ETAA1: variants seen among roughly 807,000 people sequenced by gnomAD.
The protein encoded by ETAA1 is ETAA1 activator of ATR kinase.
In ETAA1, 49 loss-of-function variants were observed where a neutral mutation model predicts 76.8. The observed-to-expected ratio is 0.64, with a 90% CI of 0.51 to 0.81. ETAA1 has a LOEUF of 0.81. Ranked by LOEUF, ETAA1 falls within the 30% of genes least tolerant of loss-of-function variation. ETAA1 has a pLI of 0.00. For missense variants in ETAA1, 1,099 were observed against 1,074.0 expected (o/e 1.02, Z -0.32); for synonymous variants, 373 against 372.2 (o/e 1.00, Z -0.03).
chr2:67,405,447 C>A, intron 5 of ETAA1, 112 bp downstream of exon 5: 1 of 734,458 alleles, frequency 1.4e-6, no homozygotes, highest in Non-Finnish European at 2.1e-6. Context: ...TATTCTATGA[C>A]TAGTTAATTT....
intron 5 of ETAA1, among the ~76,000 whole-genome samples, chr2:67,408,009 A>G (rs1676264861): frequency 6.6e-6 from 1 of 152,192 alleles, no homozygotes; most frequent in Non-Finnish European, 1.5e-5. Flanking sequence ...CAAAACTCCT[A>G]TCTACCAATC....
chr2:67,409,487 T>A (rs1676308523), intron 5 of ETAA1, among the ~76,000 whole-genome samples: 1 of 146,112 alleles, frequency 6.8e-6, no homozygotes, highest in South Asian at 2.1e-4. Flanking sequence ...AAATATACAC[T>A]GTTTGAGATT....
chr2:67,399,068 G>T, intron 1 of ETAA1, 101 bp from the exon 2 acceptor site: 1 of 1,038,844 alleles, frequency 9.6e-7, no homozygotes, highest in Non-Finnish European at 1.4e-6. Flanking sequence ...AAATTATCTT[G>T]GACTATAAAA....
intron 5 of ETAA1, 117 bp from the exon 6 acceptor site, chr2:67,409,789 GTTTGA>G (rs1306564567): frequency 1.6e-5 from 14 of 862,794 alleles, no homozygotes; most frequent in African/African-American, 6.9e-5. Context: ...CAGTAGTTTA[GTTTGA>G]TTTAATAGCC....
Position 67,399,711 on chromosome 2 carries a change from TTGTC to T in ETAA1, c.429+87_429+90del, listed in dbSNP as rs1338218816. ...TTGTAGTTTCTTTAAATGAAAAGTA[TTGTC>T]TATTATAATTCTTTTTTCCAAAAAT... is the stretch of plus-strand genomic sequence containing the variant. On this transcript the variant is annotated intron_variant, in intron 3 of 5. Transcript: ENST00000272342. 1.1e-5 allele frequency: 10 copies of T among 870,088 alleles called. No homozygotes were observed. In the African/African-American group the frequency reaches 1.7e-4, roughly 15 times the overall value. The allele number at this position is 870,088 out of a possible 1,614,324, so 53.9% of individuals were successfully genotyped here.
chr2:67,404,847 A>G lies in ETAA1; in HGVS notation c.2165A>G (p.Glu722Gly), dbSNP rs1282186858. Residue 722 changes from glutamate to glycine, a missense_variant, in exon 5 of 6, where the codon GAA (glutamate) becomes GGA (glycine). By Grantham distance (98) the Glu-to-Gly change is moderately conservative. Transcript: ENST00000272342. ...AAGCCAATGAAGATGGAGAAAGGGGAAATGTATGGAAATTCTCCAAGATTT... is the reference window on the plus strand; with the variant it reads ...AAGCCAATGAAGATGGAGAAAGGGGGAATGTATGGAAATTCTCCAAGATTT... ...IDKPMKMEKG[E>G]MYGNSPRFLG... The G allele has an allele frequency of 6.8e-6, 11 of 1,612,994 alleles. No homozygotes were observed. The highest frequency in any genetic ancestry group is 9.3e-6 in the Non-Finnish European group (11 of 1,179,418).
At chr2:67,400,181 C>G (rs1676014054) in intron 3 of ETAA1, among the ~76,000 whole-genome samples, 1 of 152,128 alleles carries the variant, frequency 6.6e-6, no homozygotes, top group Admixed American at 6.5e-5. Flanking sequence ...CAGCCATGAA[C>G]TAGAATTATT....
chr2:67,407,137 A>T (rs974154182), intron 5 of ETAA1, among the ~76,000 whole-genome samples: 1 of 152,092 alleles, frequency 6.6e-6, no homozygotes, highest in African/African-American at 2.4e-5. Context: ...TACAGTAAAT[A>T]ATTCTCTACA....
Position 67,399,605 on chromosome 2 carries a change from T to C in ETAA1, c.408T>C (p.Ile136=), listed in dbSNP as rs753870075. 2 of 1,608,320 alleles carry C rather than the reference T, an allele frequency of 1.2e-6. No homozygotes were observed. Among genetic ancestry groups the C allele is most frequent in the South Asian group, 2.2e-5 (2 of 90,352 alleles). Residue 136 remains isoleucine (I), a synonymous_variant, in exon 3 of 6, where the codon ATT becomes ATC. Transcript: ENST00000272342. Reference sequence around the variant, plus strand: ...CAGATAGTGATGAGATTTCACATATTGTTAATCGTATTGCTCCTCAGGTAA... The same window carrying C: ...CAGATAGTGATGAGATTTCACATATCGTTAATCGTATTGCTCCTCAGGTAA... ...YTTDSDEISH[I]VNRIAPQDEK... is the part of the protein sequence containing the mutation.
At chr2:67,402,767 A>T in intron 3 of ETAA1, 95 bp from the exon 4 acceptor site, 1 of 723,602 alleles carries the variant, frequency 1.4e-6, no homozygotes, top group Non-Finnish European at 2.1e-6. Flanking sequence ...CAAAATCATT[A>T]GTTTTTATTG....
At position 67,404,109 on chromosome 2, in the gene ETAA1, GAAATA is replaced by G; in HGVS notation, c.1432_1436del (p.Lys478GlufsTer3). 2.5e-6 allele frequency: 4 copies of G among 1,588,974 alleles called. No individual in the cohort carries two copies. Among genetic ancestry groups the G allele is most frequent in the Non-Finnish European group, 3.4e-6 (4 of 1,171,322 alleles). On this transcript the variant is annotated frameshift_variant, in exon 5 of 6. Coordinates refer to ENST00000272342, the MANE Select transcript of ETAA1 (RefSeq NM_019002.4). LOFTEE classifies it high-confidence loss of function. The stretch of plus-strand genomic sequence containing the variant: ...AATAAATCAAACAAATTATCCACTG[GAAATA>G]AAATGAAATTTGAGAACTCTTCCAA...
Position 67,409,894 on chromosome 2 carries a change from T to C in ETAA1, c.2654-17T>C. On this transcript the variant is annotated splice_polypyrimidine_tract_variant and intron_variant, in intron 5 of 5. Transcript: ENST00000272342. Reference sequence around the variant, plus strand: ...ATAGGCTATAAAAGTAAAACTCATCTTTTGTTGAATTTTTAGAGGAAGAAG... The same window carrying C: ...ATAGGCTATAAAAGTAAAACTCATCCTTTGTTGAATTTTTAGAGGAAGAAG... 6.3e-7 allele frequency: 1 copy of C among 1,581,184 alleles called. No homozygotes were observed. Among genetic ancestry groups the C allele is most frequent in the Non-Finnish European group, 8.5e-7 (1 of 1,169,632 alleles).
chr2:67,405,211 T>G lies in ETAA1; in HGVS notation c.2529T>G (p.Ser843Arg). 1 of 1,612,580 alleles carries G rather than the reference T, an allele frequency of 6.2e-7. No individual in the cohort carries two copies. Among genetic ancestry groups the G allele is most frequent in the South Asian group, 1.1e-5 (1 of 90,992 alleles). ...TTAATCAAAATTGTATAACTGGAAG[T>G]ATGTCTGATACCAAAATTACACAGG... ...SQFNQNCITGSMSDTKITQGV... is the reference protein window; with the variant it reads ...SQFNQNCITGRMSDTKITQGV... Residue 843 changes from serine to arginine, a missense_variant, in exon 5 of 6, where the codon AGT becomes AGG. By Grantham distance (110) the Ser-to-Arg change is moderately radical. Coordinates refer to ENST00000272342, the MANE Select transcript of ETAA1 (RefSeq NM_019002.4).
Position 67,404,974 on chromosome 2 carries a change from T to C in ETAA1, c.2292T>C (p.Asn764=). Residue 764 remains asparagine, a synonymous_variant, in exon 5 of 6, where the codon AAT becomes AAC. Transcript: ENST00000272342. ...ACACTGATGTTCCAATACAAGTGAA[T>C]AGTTCCAAATTGGTTCTTCCAGGAA... is the stretch of plus-strand genomic sequence containing the variant. The part of the protein sequence containing the change: ...YTNTDVPIQV[N]SSKLVLPGSS... The C allele has an allele frequency of 6.2e-7, 1 of 1,612,836 alleles. No homozygotes were observed. Among genetic ancestry groups the C allele is most frequent in the Non-Finnish European group, 8.5e-7 (1 of 1,179,268 alleles).
intron 3 of ETAA1, chr2:67,401,087 T>A (rs1438872185): frequency 6.6e-6 from 1 of 152,048 alleles, no homozygotes; most frequent in Non-Finnish European, 1.5e-5. Flanking sequence ...GTGAATAAAT[T>A]ATTGGACTCT....
rs892312817 is a variant in ETAA1 at position 67,403,732 on chromosome 2, C to T, written c.1050C>T (p.Pro350=). 1.2e-6 allele frequency: 2 copies of T among 1,613,240 alleles called. No individual in the cohort carries two copies. Among genetic ancestry groups the T allele is most frequent in the Non-Finnish European group, 1.7e-6 (2 of 1,179,490 alleles). The change falls in exon 5 of 6, where the codon CCC becomes CCT. Residue 350 remains proline, a synonymous_variant. Transcript: ENST00000272342. The part of the protein sequence containing the change: ...PRSLSSQVDT[P]IMTKSCVTSC... Reference sequence around the variant, plus strand: ...CACTTTCTTCTCAAGTAGATACACCCATAATGACAAAATCATGTGTGACTT... The same window carrying T: ...CACTTTCTTCTCAAGTAGATACACCTATAATGACAAAATCATGTGTGACTT...
intron 3 of ETAA1, among the ~76,000 whole-genome samples, chr2:67,399,856 T>A (rs1676004172): frequency 6.6e-6 from 1 of 152,206 alleles, no homozygotes; most frequent in Non-Finnish European, 1.5e-5. Context: ...TTTTAATTTT[T>A]TAGAGTAATT....
At position 67,404,494 on chromosome 2, in the gene ETAA1, T is replaced by G; in HGVS notation, c.1812T>G (p.Asp604Glu). Residue 604 changes from aspartate to glutamate, a missense_variant, in exon 5 of 6, where the codon GAT becomes GAG. Asp to Glu is a conservative substitution (Grantham distance 45). Around this residue, in one of 3 missense-constraint regions of ETAA1, gnomAD observed 761 missense variants for 731.9 expected, o/e 1.04. Coordinates refer to ENST00000272342, the MANE Select transcript of ETAA1 (RefSeq NM_019002.4). Reference sequence around the variant, plus strand: ...TAGATAATACCTGGGAAGCAGATGATGTAGATGATGATTTGTTGTACCAAG... The same window carrying G: ...TAGATAATACCTGGGAAGCAGATGAGGTAGATGATGATTTGTTGTACCAAG... ...HQLDNTWEAD[D>E]VDDDLLYQAC... 1 of 1,613,300 alleles carries G rather than the reference T, an allele frequency of 6.2e-7. No individual in the cohort carries two copies. Among genetic ancestry groups the G allele is most frequent in the Non-Finnish European group, 8.5e-7 (1 of 1,179,532 alleles).
In ETAA1 at chr2:67,411,411, C is replaced by G. The variant is rs1240180150; in HGVS notation, c.*1373C>G. 2 of 152,046 alleles carry G rather than the reference C, an allele frequency of 1.3e-5. No homozygotes were observed. 9.4% of individuals were successfully genotyped at this position (152,046 alleles called of 1,614,324 possible). A position where few individuals can be genotyped will look rare whatever the true frequency, so the allele number is the denominator to read the frequency against. On this transcript the variant is annotated 3_prime_UTR_variant, in exon 6 of 6. Coordinates refer to ENST00000272342, the MANE Select transcript of ETAA1 (RefSeq NM_019002.4). ...TTGAAAATACCTTAAGTTAAAAATG[C>G]ATTTACTACACTTAATCTACCAGAC...
Sources: allele counts gnomAD v4.1 joint callset (sites outside exome capture counted in the v4.1 genomes callset), GRCh38; gene constraint gnomAD v4.1.1; regional missense constraint gnomAD v4.1.1; transcripts MANE v1.5; gene names NCBI Gene and HGNC (gene_info 2026-07-23, HGNC 2026-07-21).